The following HTR7 variants were observed in gnomAD, a reference collection of about 807,000 sequenced individuals.
HTR7 encodes the protein 5-hydroxytryptamine receptor 7.
Under a neutral mutation model 34.0 loss-of-function variants are expected in HTR7, and 16 were observed. The ratio of observed to expected loss-of-function variants is 0.47; its 90% CI spans 0.32 to 0.71. The LOEUF is 0.71. Among genes scored for constraint, HTR7 ranks in the 30% least tolerant of loss-of-function variants. The probability of loss-of-function intolerance (pLI) is 0.04; values close to 1 mark genes in which losing one functional copy is unlikely to be tolerated. For synonymous variants in HTR7, 265 were observed against 260.2 expected, an observed-to-expected ratio of 1.02 and a Z score of -0.18; for missense variants, 504 against 625.5, an observed-to-expected ratio of 0.81 and a Z score of 2.07.
intron 1 of HTR7, among the ~76,000 whole-genome samples, chr10:90,779,666 A>G (rs1845274852): frequency 6.6e-6 from 1 of 152,178 alleles, no homozygotes; most frequent in South Asian, 2.1e-4. Context: ...AGGCCAGGGG[A>G]AGAGTGCTCT....
In HTR7 at chr10:90,741,600, C is replaced by T. The variant is rs1299887075; in HGVS notation, c.*882G>A. 6.6e-6 allele frequency: 1 copy of T among 152,358 alleles called. No individual in the cohort carries two copies. Among genetic ancestry groups the T allele is most frequent in the Non-Finnish European group, 1.5e-5 (1 of 68,050 alleles). The allele number at this position is 152,358 out of a possible 1,614,324, so 9.4% of individuals were successfully genotyped here. A position where few individuals can be genotyped will look rare whatever the true frequency, so the allele number is the denominator to read the frequency against. ...CACATTTCATGGAAAACCCATCATT[C>T]CCACACTTCTTCCACATAACATACA... On this transcript the variant is annotated 3_prime_UTR_variant, in exon 4 of 4. Transcript: ENST00000336152.
At chr10:90,817,918 T>C (rs931867760) in intron 1 of HTR7, among the ~76,000 whole-genome samples, 12 of 152,120 alleles carry the variant, frequency 7.9e-5, no homozygotes, top group African/African-American at 2.9e-4. Flanking sequence ...CACTGCAATA[T>C]CCATGAACCT....
intron 1 of HTR7, among the ~76,000 whole-genome samples, chr10:90,824,471 G>A (rs561040982): frequency 1.3e-5 from 2 of 152,296 alleles, no homozygotes; most frequent in African/African-American, 4.8e-5. Flanking sequence ...CAAGGGGAGG[G>A]ATTCCTTCTT....
chr10:90,751,657 G>A (rs1844740016), intron 1 of HTR7, among the ~76,000 whole-genome samples: 1 of 152,154 alleles, frequency 6.6e-6, no homozygotes, highest in African/African-American at 2.4e-5. Context: ...AATAGGGTAG[G>A]TGGTTGAAGT....
intron 1 of HTR7, among the ~76,000 whole-genome samples, chr10:90,767,943 C>T (rs765870466): frequency 3.9e-5 from 6 of 152,080 alleles, no homozygotes; most frequent in South Asian, 2.1e-4. Flanking sequence ...ACCCATGAAT[C>T]GACTGCCTCC....
chr10:90,773,012 C>T (rs367738895), intron 1 of HTR7, among the ~76,000 whole-genome samples: 1 of 152,212 alleles, frequency 6.6e-6, no homozygotes, highest in Non-Finnish European at 1.5e-5. Flanking sequence ...AATACACACA[C>T]ACATAATCAT....
intron 1 of HTR7, among the ~76,000 whole-genome samples, chr10:90,856,773 T>C (rs1156809693): frequency 6.6e-6 from 1 of 152,158 alleles, no homozygotes; most frequent in Admixed American, 6.5e-5. Flanking sequence ...TTAATGACTC[T>C]TTAAGGCTCA....
At chr10:90,744,685 C>A (rs1253749161) in intron 2 of HTR7, among the ~76,000 whole-genome samples, 1 of 152,020 alleles carries the variant, frequency 6.6e-6, no homozygotes, top group East Asian at 1.9e-4. Flanking sequence ...TTGTGACAAC[C>A]AAAAATCCCT....
chr10:90,797,727 C>T (rs559121229), intron 1 of HTR7, among the ~76,000 whole-genome samples: 1 of 152,200 alleles, frequency 6.6e-6, no homozygotes, highest in Non-Finnish European at 1.5e-5. Context: ...AATGAATTAT[C>T]AGGGTAGATA....
chr10:90,748,921 T>G lies in HTR7; in HGVS notation c.1213A>C (p.Asn405His). The change falls in exon 2 of 4, where the codon AAT (asparagine) becomes CAT (histidine). Residue 405 changes from asparagine to histidine, a missense_variant. By Grantham distance (68) the Asn-to-His change is moderately conservative (BLOSUM62 1). Around this residue, in one of 4 missense-constraint regions of HTR7, gnomAD observed 154 missense variants for 212.1 expected, o/e 0.73. Transcript: ENST00000336152. ...GCAGCTGAGAGCTTCCGGTTGATAT[T>G]CCGGTACTGGCACTGGAGCAGGCTG... ...YRSLLQCQYR[N>H]INRKLSAAGM... 6.2e-7 allele frequency: 1 copy of G among 1,614,190 alleles called. No individual in the cohort carries two copies. Among genetic ancestry groups the G allele is most frequent in the African/African-American group, 1.3e-5 (1 of 75,050 alleles).
chr10:90,770,355 C>T (rs1463200582), intron 1 of HTR7, among the ~76,000 whole-genome samples: 2 of 152,190 alleles, frequency 1.3e-5, no homozygotes, highest in Non-Finnish European at 2.9e-5. Flanking sequence ...CAGAGAGGAG[C>T]CCAGAGAGGA....
At chr10:90,793,998 C>A (rs1053578502) in intron 1 of HTR7, among the ~76,000 whole-genome samples, 1 of 152,204 alleles carries the variant, frequency 6.6e-6, no homozygotes, top group Non-Finnish European at 1.5e-5. Flanking sequence ...TGGTGCCCAG[C>A]CAGTTGAGGG....
chr10:90,780,143 G>A (rs1845283618), intron 1 of HTR7, among the ~76,000 whole-genome samples: 1 of 152,200 alleles, frequency 6.6e-6, no homozygotes, highest in Admixed American at 6.5e-5. Flanking sequence ...CACATTGAGA[G>A]GCTGAGGCCA....
chr10:90,808,892 A>G (rs769659639), intron 1 of HTR7, among the ~76,000 whole-genome samples: 10 of 152,162 alleles, frequency 6.6e-5, no homozygotes, highest in Non-Finnish European at 1.0e-4. Context: ...TCCATCCTAC[A>G]AGATATAAAT....
intron 1 of HTR7, among the ~76,000 whole-genome samples, chr10:90,830,789 G>GA (rs770904900): frequency 0.091 from 7,631 of 83,712 alleles, 345 homozygotes; most frequent in Admixed American, 0.1. Context: ...CCCTGTCTCA[G>GA]AAAAAAAAAA....
chr10:90,785,581 AATACAT>A (rs1845368481), intron 1 of HTR7, among the ~76,000 whole-genome samples: 3 of 152,162 alleles, frequency 2.0e-5, no homozygotes, highest in African/African-American at 7.2e-5. Context: ...ACAGGCACTA[AATACAT>A]ATGAATAACC....
intron 1 of HTR7, among the ~76,000 whole-genome samples, chr10:90,775,299 G>A (rs1305621547): frequency 2.6e-5 from 4 of 152,188 alleles, no homozygotes; most frequent in Admixed American, 1.3e-4. Flanking sequence ...ATTTCAGGCC[G>A]TGCTCGGTGC....
chr10:90,853,320 C>T (rs1452261164), intron 1 of HTR7, among the ~76,000 whole-genome samples: 4 of 132,468 alleles, frequency 3.0e-5, no homozygotes, highest in Non-Finnish European at 6.2e-5. Flanking sequence ...GTGCCTCACT[C>T]TATTGCCCAG....
chr10:90,766,827 C>A (rs1255446090), intron 1 of HTR7, among the ~76,000 whole-genome samples: 2 of 152,208 alleles, frequency 1.3e-5, no homozygotes, highest in African/African-American at 4.8e-5. Flanking sequence ...TCTCTTCAAA[C>A]CTTTATAGGT....
Sources: allele counts gnomAD v4.1 joint callset (sites outside exome capture counted in the v4.1 genomes callset), GRCh38; gene constraint gnomAD v4.1.1; regional missense constraint gnomAD v4.1.1; transcripts MANE v1.5; gene names NCBI Gene and HGNC (gene_info 2026-07-23, HGNC 2026-07-21).